UNC13D: variants seen among roughly 807,000 people sequenced by gnomAD.
UNC13D encodes unc-13 homolog D, also known as protein unc-13 homolog D.
A neutral mutation model predicts 151.7 loss-of-function variants in UNC13D; 115 were observed. The ratio of observed to expected loss-of-function variants is 0.76; its 90% CI spans 0.65 to 0.88. The LOEUF (loss-of-function observed/expected upper bound fraction) is 0.88, where lower values mean the gene tolerates loss of function less well. UNC13D is among the 40% of genes least tolerant of loss of function. UNC13D has a pLI of 0.00. For synonymous variants in UNC13D, 588 were observed against 612.2 expected (o/e 0.96, Z 0.58); for missense variants, 1,369 against 1,438.7 (o/e 0.95, Z 0.78).
Position 75,835,707 on chromosome 17 carries a change from A to G in UNC13D, c.1667T>C (p.Leu556Pro). 6.2e-7 allele frequency: 1 copy of G among 1,613,618 alleles called. No homozygotes were observed. The highest frequency in any genetic ancestry group is 8.5e-7 in the Non-Finnish European group (1 of 1,180,024). ...DVVSPEMGES[L>P]FQLYISLKEL... Reference sequence around the variant, plus strand: ...CTTGAGGCTGATGTAGAGCTGGAACAGACTCTCGCCCATCTCTGGGGACAC... The same window carrying G: ...CTTGAGGCTGATGTAGAGCTGGAACGGACTCTCGCCCATCTCTGGGGACAC... The change falls in exon 19 of 32, where the codon CTG (leucine) becomes CCG (proline). Residue 556 changes from leucine (L) to proline (P), a missense_variant. Coordinates refer to ENST00000207549, the MANE Select transcript of UNC13D (RefSeq NM_199242.3).
In UNC13D at chr17:75,830,530, G is replaced by A. The variant is rs2290768; in HGVS notation, c.2709+48C>T. On this transcript the variant is annotated intron_variant, in intron 28 of 31. Transcript: ENST00000207549. ...GGTCAGCAGGGTCACAGCGGGAGCGGGGTGCTCCAGGGCCTGCAGAGGGCG... is the reference window on the plus strand; with the variant it reads ...GGTCAGCAGGGTCACAGCGGGAGCGAGGTGCTCCAGGGCCTGCAGAGGGCG... 157,956 of 1,576,936 alleles carry A rather than the reference G, an allele frequency of 0.1. 14,334 individuals are homozygous for A. The highest frequency in any genetic ancestry group is 0.42 in the African/African-American group (31,048 of 74,284).
At position 75,834,417 on chromosome 17, in the gene UNC13D, G is replaced by T. The variant is rs1187815814; in HGVS notation, c.2206C>A (p.Gln736Lys). The T allele has an allele frequency of 1.9e-6, 3 of 1,578,158 alleles. No individual in the cohort carries two copies. Among genetic ancestry groups the T allele is most frequent in the Non-Finnish European group, 1.7e-6 (2 of 1,168,696 alleles). ...QRVGAVLEQG[Q>K]LQNTLHAQLQ... Reference sequence around the variant, plus strand: ...TGGGCATGCAGCGTGTTCTGCAGCTGCCCCTGCTCCAGCACGGCCCCTACC... The same window carrying T: ...TGGGCATGCAGCGTGTTCTGCAGCTTCCCCTGCTCCAGCACGGCCCCTACC... The change falls in exon 23 of 32, where the codon CAG becomes AAG. Residue 736 changes from glutamine (Q) to lysine (K), a missense_variant. Physicochemically the swap from Gln to Lys is moderately conservative, Grantham distance 53. Coordinates refer to ENST00000207549, the MANE Select transcript of UNC13D (RefSeq NM_199242.3).
At chr17:75,843,688 G>T (rs1345523077) in intron 1 of UNC13D, 169 bp from the exon 2 acceptor site, 1 of 1,467,642 alleles carries the variant, frequency 6.8e-7, no homozygotes, top group East Asian at 2.5e-5. Context: ...GCCTCCTGGA[G>T]GTCCGTCCCT....
Position 75,830,402 on chromosome 17 carries a change from C to A in UNC13D, c.2790G>T (p.Glu930Asp). ...GCAGCAGGCTGGAGGCGCTGAGCAG[C>A]TCCACACGCAGCTTCTGCTCAGAGG... ...YRASEQKLRV[E>D]LLSASSLLPL... Residue 930 changes from glutamate (E) to aspartate (D), a missense_variant, in exon 29 of 32, where the codon GAG becomes GAT. By Grantham distance (45) the Glu-to-Asp change is conservative. Coordinates refer to ENST00000207549, the MANE Select transcript of UNC13D (RefSeq NM_199242.3). 6.3e-7 allele frequency: 1 copy of A among 1,589,746 alleles called. No homozygotes were observed.
At position 75,827,990 on chromosome 17, in the gene UNC13D, T is replaced by G. The variant is rs766632931; in HGVS notation, c.3248A>C (p.Gln1083Pro). 229 of 1,603,762 alleles carry G rather than the reference T, an allele frequency of 1.4e-4. No homozygotes were observed. Among genetic ancestry groups the G allele is most frequent in the Non-Finnish European group, 1.9e-4 (228 of 1,176,478 alleles). Residue 1083 changes from glutamine to proline, a missense_variant, in exon 32 of 32, where the codon CAG becomes CCG. Around this residue, in one of 3 missense-constraint regions of UNC13D, gnomAD observed 807 missense variants for 795.5 expected, o/e 1.01. Coordinates refer to ENST00000207549, the MANE Select transcript of UNC13D (RefSeq NM_199242.3). ...CTACGGTGCCGGCCGCAAGGCATGC[T>G]GGGAGGCCTGCTTGGCCCGGTGCCG... ...LRRHRAKQAS[Q>P]HALRPAP
chr17:75,835,833 T>C lies in UNC13D; in HGVS notation c.1596+22A>G, dbSNP rs1271693432. 4 of 1,613,918 alleles carry C rather than the reference T, an allele frequency of 2.5e-6. No homozygotes were observed. The African/African-American group carries it at 5.3e-5, about 22-fold the overall frequency. On this transcript the variant is annotated intron_variant, in intron 18 of 31. Transcript: ENST00000207549. ...CACAGCTCTGTTGGAGGGCATGCCC[T>C]AGAGACGGGGGAGGGACTCACCAGC... is the stretch of plus-strand genomic sequence containing the variant.
rs1054692267 is a variant in UNC13D, at chr17:75,840,393, G to A, written c.754-64C>T. 30 of 1,605,822 alleles carry A rather than the reference G, an allele frequency of 1.9e-5. No individual in the cohort carries two copies. The South Asian group carries it at 2.0e-4, about 11-fold the overall frequency. On this transcript the variant is annotated intron_variant, in intron 9 of 31. Transcript: ENST00000207549. The surrounding 1 kb of genome is among the most constrained non-coding windows in gnomAD (Gnocchi z 4.6). ...CTCATAGAGTCGGGGCAGCGGAGGC[G>A]ACAGGAGGTGGACCCCAGGCTCAGC...
intron 12 of UNC13D, among the ~76,000 whole-genome samples, chr17:75,838,519 G>A (rs919455977): frequency 4.6e-5 from 7 of 151,894 alleles, no homozygotes; most frequent in Non-Finnish European, 8.8e-5. Flanking sequence ...GTGCCCGGCC[G>A]GCTATGTCCC....
chr17:75,835,341 G>C, intron 20 of UNC13D, 68 bp downstream of exon 20: 5 of 1,581,840 alleles, frequency 3.2e-6, no homozygotes, highest in Non-Finnish European at 3.4e-6. Flanking sequence ...ACGCTTTGGA[G>C]GTCCAGGCAG....
Position 75,835,004 on chromosome 17 carries a change from GC to G in UNC13D, c.1907del (p.Cys636SerfsTer22). 1 of 1,614,096 alleles carries G rather than the reference GC, an allele frequency of 6.2e-7. No individual in the cohort carries two copies. The highest frequency in any genetic ancestry group is 8.5e-7 in the Non-Finnish European group (1 of 1,180,020). On this transcript the variant is annotated frameshift_variant, in exon 21 of 32. Transcript: ENST00000207549. LOFTEE classifies it high-confidence loss of function. ...HSTSAVDLST[C>X]FAQISHTARQ... The stretch of plus-strand genomic sequence containing the variant: ...GGGCAGTGTGGCTGATCTGGGCAAA[GC>G]AGGTGGATAGATCCACCGCTGATGT...
chr17:75,835,903 G>A lies in UNC13D; in HGVS notation c.1548C>T (p.Thr516=). ...QRTWDKIFHN[T]LKIHLFSMAF... ...CCATGGAGAAGAGGTGGATCTTGAGGGTACTGGAGGAAAGGCAGCAGGTGT... is the reference window on the plus strand; with the variant it reads ...CCATGGAGAAGAGGTGGATCTTGAGAGTACTGGAGGAAAGGCAGCAGGTGT... Residue 516 remains threonine, a synonymous_variant, in exon 18 of 32, where the codon ACC becomes ACT. Transcript: ENST00000207549. 1.2e-6 allele frequency: 2 copies of A among 1,614,192 alleles called. No individual in the cohort carries two copies. Among genetic ancestry groups the A allele is most frequent in the Non-Finnish European group, 1.7e-6 (2 of 1,180,026 alleles).
rs558802839 is a variant in UNC13D at position 75,832,416 on chromosome 17, G to A, written c.2447+550C>T. The A allele has an allele frequency of 1.3e-5, 2 of 154,994 alleles. No individual in the cohort carries two copies. The highest frequency in any genetic ancestry group is 1.3e-4 in the Admixed American group (2 of 15,942). The allele number at this position is 154,994 out of a possible 1,614,324, so 9.6% of individuals were successfully genotyped here. A position where few individuals can be genotyped will look rare whatever the true frequency, so the allele number is the denominator to read the frequency against. On this transcript the variant is annotated intron_variant, in intron 25 of 31. Transcript: ENST00000207549. The surrounding 1 kb of genome is among the most constrained non-coding windows in gnomAD (Gnocchi z 4.3). ...AACTTGCCCAAGGCTGCTAAGCAGT[G>A]ATGAAGCCGGAGTCTGAACCCAGGT...
In UNC13D at chr17:75,831,302, C is replaced by T; in HGVS notation, c.2494G>A (p.Ala832Thr). ...WTHTLTVLVE[A>T]AASQRSSSLA... is the part of the protein sequence containing the mutation. ...GATGAGCTGCGCTGGGAGGCGGCCG[C>T]CTCCACCAGCACTGTGAGTGTGTGG... Residue 832 changes from alanine to threonine, a missense_variant, in exon 26 of 32, where the codon GCG becomes ACG. By Grantham distance (58) the Ala-to-Thr change is moderately conservative. Coordinates refer to ENST00000207549, the MANE Select transcript of UNC13D (RefSeq NM_199242.3). 6.2e-7 allele frequency: 1 copy of T among 1,613,672 alleles called. No homozygotes were observed.
rs189950227 is a variant in UNC13D at position 75,833,385 on chromosome 17, C to T, written c.2368-340G>A. ...CCCGTAGGTCTTCGCTCAGTTGTCA[C>T]GGCCTTCCCTGGCCACCATCTAAAA... On this transcript the variant is annotated intron_variant, in intron 24 of 31. Transcript: ENST00000207549. This position sits in a 1 kb window ranked among gnomAD's most constrained non-coding sequence, Gnocchi z 4.0. 5.1e-5 allele frequency: 13 copies of T among 253,256 alleles called. No homozygotes were observed. Among genetic ancestry groups the T allele is most frequent in the South Asian group, 4.6e-4 (8 of 17,552 alleles). 15.7% of individuals were successfully genotyped at this position (253,256 alleles called of 1,614,324 possible). A position where few individuals can be genotyped will look rare whatever the true frequency, so the allele number is the denominator to read the frequency against.
rs771709162 is a variant in UNC13D, at chr17:75,842,911, A to G, written c.334T>C (p.Cys112Arg). Reference protein sequence around the residue: ...RVRELEKPIFCLKATVKQAKG... With the variant: ...RVRELEKPIFRLKATVKQAKG... ...GCCTGTTTCACTGTTGCCTTCAGAC[A>G]AAATATTGGCTTCTGGAGGGACAGG... The change falls in exon 5 of 32, where the codon TGT becomes CGT. Residue 112 changes from cysteine (C) to arginine (R), a missense_variant. Cys to Arg is a radical substitution (Grantham distance 180, BLOSUM62 -3). This residue lies in a region of UNC13D where 550 missense variants were observed against 609.0 expected (regional missense o/e 0.90). Transcript: ENST00000207549. 11 of 1,613,574 alleles carry G rather than the reference A, an allele frequency of 6.8e-6. No individual in the cohort carries two copies. The highest frequency in any genetic ancestry group is 5.9e-6 in the Non-Finnish European group (7 of 1,179,976).
rs768171054 is a variant in UNC13D at position 75,836,629 on chromosome 17, C to T, written c.1241G>A (p.Arg414His). ...TYGLSLIRRFRSVFPLSVSDS... is the reference protein window; with the variant it reads ...TYGLSLIRRFHSVFPLSVSDS... Reference sequence around the variant, plus strand: ...CGAGACAGAGAGGGGGAAGACAGAGCGGAACCTCCGGATGAGGGAGAGGCC... The same window carrying T: ...CGAGACAGAGAGGGGGAAGACAGAGTGGAACCTCCGGATGAGGGAGAGGCC... Residue 414 changes from arginine (R) to histidine (H), a missense_variant, in exon 14 of 32, where the codon CGC becomes CAC. Physicochemically the swap from Arg to His is conservative, Grantham distance 29. Around this residue, in one of 3 missense-constraint regions of UNC13D, gnomAD observed 550 missense variants for 609.0 expected, o/e 0.90. Transcript: ENST00000207549. The T allele has an allele frequency of 3.5e-5, 56 of 1,613,618 alleles. No homozygotes were observed. In the Admixed American group the frequency reaches 8.0e-4, roughly 23 times the overall value.
In UNC13D at chr17:75,843,267, C is replaced by T; in HGVS notation, c.154-1G>A. ...GTGCGTCCTCGTAGAGCAGGGCCCG[C>T]TAAGACACACGGGGTCACCTTGGGG... is the stretch of plus-strand genomic sequence containing the variant. On this transcript the variant is annotated splice_acceptor_variant, in intron 2 of 31. Transcript: ENST00000207549. LOFTEE classifies it high-confidence loss of function. 1 of 1,605,948 alleles carries T rather than the reference C, an allele frequency of 6.2e-7. No homozygotes were observed.
chr17:75,831,566 A>G (rs1216100399), intron 25 of UNC13D: 3 of 587,978 alleles, frequency 5.1e-6, no homozygotes, highest in Non-Finnish European at 9.1e-6. Flanking sequence ...TATCCAACAC[A>G]CCTCTCAACC....
intron 30 of UNC13D, chr17:75,829,588 TG>T (rs1385343780): frequency 5.7e-6 from 1 of 176,392 alleles, no homozygotes; most frequent in Non-Finnish European, 1.1e-5. Flanking sequence ...CCACCACGCC[TG>T]GCCCTCTTTT....
Sources: allele counts gnomAD v4.1 joint callset (sites outside exome capture counted in the v4.1 genomes callset), GRCh38; gene constraint gnomAD v4.1.1; regional missense constraint gnomAD v4.1.1; non-coding constraint Gnocchi (gnomAD v3.1); transcripts MANE v1.5; gene names NCBI Gene and HGNC (gene_info 2026-07-23, HGNC 2026-07-21).